VPS13B: variants seen among roughly 807,000 people sequenced by gnomAD.
VPS13B encodes the protein intermembrane lipid transfer protein VPS13B.
In VPS13B, 285 loss-of-function variants were observed where a neutral mutation model predicts 426.4. The observed-to-expected ratio is 0.67, with a 90% CI of 0.61 to 0.74. The LOEUF (loss-of-function observed/expected upper bound fraction) is 0.74. Among genes scored for constraint, VPS13B ranks in the 30% least tolerant of loss-of-function variants. The probability of loss-of-function intolerance (pLI) is 0.00; values close to 1 mark genes in which losing one functional copy is unlikely to be tolerated. For missense variants in VPS13B, 4,537 were observed against 4,782.6 expected (o/e 0.95, Z 1.51); for synonymous variants, 1,676 against 1,676.4 (o/e 1.00, Z 0.01).
intron 21 of VPS13B, among the ~76,000 whole-genome samples, chr8:99,430,904 G>C (rs1420259000): frequency 6.6e-6 from 1 of 152,092 alleles, no homozygotes; most frequent in Non-Finnish European, 1.5e-5. Context: ...TTTTAGTAGA[G>C]ACGGGGTTTC....
Position 99,152,664 on chromosome 8 carries a change from A to G in VPS13B, c.2014-3885A>G, listed in dbSNP as rs531698428. Among the ~76,000 whole-genome samples the G allele has an allele frequency of 7.9e-5, 12 of 152,188 alleles. No homozygotes were observed. The East Asian group carries it at 2.3e-3, about 29-fold the overall frequency. On this transcript the variant is annotated intron_variant, in intron 14 of 61. Transcript: ENST00000357162. Reference sequence around the variant, plus strand: ...TCACATTTTGCTTTATTTTTTTGGCACTGTGTCTTTAGGCACATCCATGTT... The same window carrying G: ...TCACATTTTGCTTTATTTTTTTGGCGCTGTGTCTTTAGGCACATCCATGTT...
In VPS13B at chr8:99,467,715, C is replaced by T. The variant is rs374848558; in HGVS notation, c.3666+81C>T. 2.2e-5 allele frequency: 32 copies of T among 1,431,728 alleles called. No individual in the cohort carries two copies. In the East Asian group the frequency reaches 6.0e-4, roughly 27 times the overall value. 88.7% of individuals were successfully genotyped at this position (1,431,728 alleles called of 1,614,324 possible). A position where few individuals can be genotyped will look rare whatever the true frequency, so the allele number is the denominator to read the frequency against. On this transcript the variant is annotated intron_variant, in intron 24 of 61. Coordinates refer to ENST00000357162, the MANE Select transcript of VPS13B (RefSeq NM_152564.5). Reference sequence around the variant, plus strand: ...TGTTATCCATTTTGTTGAAGGGTTTCTCTTCTCTTGAGTATCCTAAATTAT... The same window carrying T: ...TGTTATCCATTTTGTTGAAGGGTTTTTCTTCTCTTGAGTATCCTAAATTAT...
intron 15 of VPS13B, among the ~76,000 whole-genome samples, chr8:99,166,365 T>C (rs1812002762): frequency 6.6e-6 from 1 of 152,222 alleles, no homozygotes; most frequent in African/African-American, 2.4e-5. Flanking sequence ...TTTCAACTTA[T>C]TGTTCCCACC....
At chr8:99,869,339 C>G (rs2130966762) in intron 59 of VPS13B, among the ~76,000 whole-genome samples, 1 of 152,300 alleles carries the variant, frequency 6.6e-6, no homozygotes, top group East Asian at 1.9e-4. Context: ...GGGAGGCATC[C>G]TGCTCCTCAG....
chr8:99,314,879 G>T (rs2133111149), intron 19 of VPS13B, among the ~76,000 whole-genome samples: 1 of 152,180 alleles, frequency 6.6e-6, no homozygotes, highest in African/African-American at 2.4e-5. Flanking sequence ...ATTATATTAT[G>T]ACCTTCTTTG....
intron 17 of VPS13B, among the ~76,000 whole-genome samples, chr8:99,254,958 T>G (rs1456348173): frequency 6.6e-6 from 1 of 152,182 alleles, no homozygotes; most frequent in Admixed American, 6.5e-5. Context: ...TGTTTCATCT[T>G]TTTATTTTTC....
chr8:99,369,939 A>C (rs1478390697), intron 19 of VPS13B, among the ~76,000 whole-genome samples: 1 of 152,224 alleles, frequency 6.6e-6, no homozygotes, highest in Non-Finnish European at 1.5e-5. Context: ...ACTAGTCCAG[A>C]AAACAGTTTT....
intron 16 of VPS13B, among the ~76,000 whole-genome samples, chr8:99,173,717 C>A (rs1276194713): frequency 6.6e-6 from 1 of 152,120 alleles, no homozygotes; most frequent in African/African-American, 2.4e-5. Flanking sequence ...CTAAGATGTG[C>A]TTTTATGGAA....
intron 19 of VPS13B, among the ~76,000 whole-genome samples, chr8:99,337,305 T>C (rs1299937789): frequency 7.1e-6 from 1 of 140,392 alleles, no homozygotes; most frequent in African/African-American, 2.7e-5. Flanking sequence ...TAGGTGGGAA[T>C]TGAACAATGA....
chr8:99,786,805 TA>T (rs1812293367), intron 43 of VPS13B, among the ~76,000 whole-genome samples: 1 of 152,288 alleles, frequency 6.6e-6, no homozygotes, highest in East Asian at 1.9e-4. Context: ...TATGCTAATG[TA>T]AGTGGGTTTT....
At chr8:99,569,859 G>A (rs1825386527) in intron 31 of VPS13B, among the ~76,000 whole-genome samples, 1 of 151,958 alleles carries the variant, frequency 6.6e-6, no homozygotes, top group Non-Finnish European at 1.5e-5. Context: ...TTATTTTTCT[G>A]TTATTTGCTT....
chr8:99,633,464 G>A (rs1828932598), intron 33 of VPS13B, among the ~76,000 whole-genome samples: 1 of 151,906 alleles, frequency 6.6e-6, no homozygotes, highest in Non-Finnish European at 1.5e-5. Context: ...AGTTGTTTCT[G>A]GTAAAATCAG....
At chr8:99,044,064 C>CT (rs764448132) in intron 3 of VPS13B, among the ~76,000 whole-genome samples, 83 of 128,602 alleles carry the variant, frequency 6.5e-4, no homozygotes, top group Middle Eastern at 4.1e-3. Flanking sequence ...CACATCATTT[C>CT]TTTTTTTTTT....
chr8:99,271,396 C>T (rs1247718895), intron 17 of VPS13B, among the ~76,000 whole-genome samples: 1 of 152,108 alleles, frequency 6.6e-6, no homozygotes, highest in Non-Finnish European at 1.5e-5. Context: ...GTGTAATGAA[C>T]TCTTTAAAGT....
intron 43 of VPS13B, among the ~76,000 whole-genome samples, chr8:99,793,429 A>G (rs1288935973): frequency 1.3e-5 from 2 of 151,984 alleles, no homozygotes; most frequent in Non-Finnish European, 2.9e-5. Flanking sequence ...GAGAACAACA[A>G]TCAAATTACT....
At chr8:99,037,550 C>T (rs1031448192) in intron 2 of VPS13B, among the ~76,000 whole-genome samples, 12 of 152,040 alleles carry the variant, frequency 7.9e-5, no homozygotes, top group African/African-American at 2.9e-4. Context: ...GTTGCTGAAC[C>T]AACTAGGTAG....
rs370735414 is a variant in VPS13B, at chr8:99,578,115, T to C, written c.5220+482T>C. The stretch of plus-strand genomic sequence containing the variant: ...TGAATGCCTGCCTAGAATTTTAATT[T>C]TGATACAGTGTTCATTGGAAGCCTG... On this transcript the variant is annotated intron_variant, in intron 33 of 61. Coordinates refer to ENST00000357162, the MANE Select transcript of VPS13B (RefSeq NM_152564.5). Among the ~76,000 whole-genome samples, 49 of 152,318 alleles carry C rather than the reference T, an allele frequency of 3.2e-4. No homozygotes were observed. The East Asian group carries it at 4.8e-3, about 15-fold the overall frequency.
At chr8:99,298,499 A>T (rs958237891) in intron 19 of VPS13B, among the ~76,000 whole-genome samples, 2 of 152,102 alleles carry the variant, frequency 1.3e-5, no homozygotes, top group Non-Finnish European at 1.5e-5. Context: ...CAAAATAAAT[A>T]AATTAATTAA....
At chr8:99,246,889 T>C (rs1387918859) in intron 17 of VPS13B, among the ~76,000 whole-genome samples, 2 of 152,006 alleles carry the variant, frequency 1.3e-5, no homozygotes, top group Non-Finnish European at 2.9e-5. Flanking sequence ...GCTCTGATTA[T>C]CATCAGTTTT....
Sources: gnomAD v4.1 joint callset for allele counts (sites outside exome capture counted in the v4.1 genomes callset) on GRCh38, gnomAD v4.1.1 for gene constraint, MANE v1.5 for transcripts, NCBI Gene and HGNC (gene_info 2026-07-23, HGNC 2026-07-21) for gene names.